The following CSMD1 variants were observed in gnomAD, a reference collection of about 807,000 sequenced individuals.
The protein encoded by CSMD1 is CUB and Sushi multiple domains 1.
A neutral mutation model predicts 417.5 loss-of-function variants in CSMD1; 213 were observed. That is an observed-to-expected ratio of 0.51 (90% CI 0.46 to 0.57). CSMD1 has a LOEUF of 0.57. CSMD1 is among the 20% of genes least tolerant of loss of function. The probability of loss-of-function intolerance (pLI) is 0.00; values close to 1 mark genes in which losing one functional copy is unlikely to be tolerated. For synonymous variants in CSMD1, 2,862 were observed against 1,736.8 expected (o/e 1.65, Z -16.11); for missense variants, 6,923 against 4,529.7 (o/e 1.53, Z -15.17).
intron 7 of CSMD1, among the ~76,000 whole-genome samples, chr8:3,654,749 C>G (rs1798019983): frequency 6.6e-6 from 1 of 152,182 alleles, no homozygotes; most frequent in Admixed American, 6.5e-5. Context: ...TGCTCCAGGG[C>G]TTGAGCTGAA....
chr8:3,751,332 A>C (rs145917580), intron 6 of CSMD1, among the ~76,000 whole-genome samples: 1 of 135,406 alleles, frequency 7.4e-6, no homozygotes, highest in East Asian at 2.1e-4. Context: ...GTGTGTATAT[A>C]TATATATATA....
intron 3 of CSMD1, among the ~76,000 whole-genome samples, chr8:4,138,655 A>T (rs371047828): frequency 1.3e-5 from 2 of 152,216 alleles, no homozygotes; most frequent in South Asian, 2.1e-4. Context: ...TTGACTTTTC[A>T]AAGTATTATT....
At chr8:3,976,729 G>A (rs13257603) in intron 5 of CSMD1, among the ~76,000 whole-genome samples, 4,165 of 152,194 alleles carry the variant, frequency 0.027, 76 homozygotes, top group South Asian at 0.047. Flanking sequence ...AGAACCCTAT[G>A]AAGTGGGCCC....
At position 3,829,428 on chromosome 8, in the gene CSMD1, T is replaced by A. The variant is rs568862194; in HGVS notation, c.819-75386A>T. Among the ~76,000 whole-genome samples the A allele has an allele frequency of 2.6e-5, 4 of 152,240 alleles. No individual in the cohort carries two copies. In the South Asian group the frequency reaches 8.3e-4, roughly 32 times the overall value. Reference sequence around the variant, plus strand: ...CAACAGTCAGAATGAGATAAGTCAATACCGGTTCCACATGAATTCAGGTTA... The same window carrying A: ...CAACAGTCAGAATGAGATAAGTCAAAACCGGTTCCACATGAATTCAGGTTA... On this transcript the variant is annotated intron_variant, in intron 5 of 69. Coordinates refer to ENST00000635120, the MANE Select transcript of CSMD1 (RefSeq NM_033225.6).
At chr8:3,760,224 T>C (rs888739626) in intron 5 of CSMD1, among the ~76,000 whole-genome samples, 10 of 152,166 alleles carry the variant, frequency 6.6e-5, no homozygotes, top group African/African-American at 2.4e-4. Flanking sequence ...AGTGGGAATG[T>C]TGGACAGCTC....
chr8:4,895,170 T>A (rs935855649), intron 1 of CSMD1, among the ~76,000 whole-genome samples: 3 of 152,194 alleles, frequency 2.0e-5, no homozygotes, highest in African/African-American at 7.2e-5. Flanking sequence ...AAATAATAAC[T>A]ATTTGTAGAA....
chr8:3,801,919 T>C (rs932326989), intron 5 of CSMD1, among the ~76,000 whole-genome samples: 5 of 151,982 alleles, frequency 3.3e-5, no homozygotes, highest in Non-Finnish European at 7.4e-5. Flanking sequence ...GCCTAGGGTA[T>C]AGGGTGGGGA....
intron 5 of CSMD1, among the ~76,000 whole-genome samples, chr8:3,791,573 C>T (rs1313918195): frequency 1.3e-5 from 2 of 152,180 alleles, no homozygotes; most frequent in East Asian, 1.9e-4. Context: ...CCTATAATCC[C>T]AGCACTTTGG....
At chr8:4,216,203 G>A (rs78606911) in intron 3 of CSMD1, among the ~76,000 whole-genome samples, 1,972 of 152,150 alleles carry the variant, frequency 0.013, 49 homozygotes, top group African/African-American at 0.045. Context: ...CATTGCGATG[G>A]CCTTCTTCCT....
intron 66 of CSMD1, 122 bp downstream of exon 66, chr8:2,950,992 G>C (rs749609155): frequency 2.2e-5 from 21 of 935,194 alleles, no homozygotes; most frequent in Non-Finnish European, 3.1e-5. Context: ...ATGAGTTACA[G>C]TATATACAAA....
At chr8:2,957,187 T>C (rs1424919190) in intron 63 of CSMD1, among the ~76,000 whole-genome samples, 1 of 152,200 alleles carries the variant, frequency 6.6e-6, no homozygotes, top group Admixed American at 6.5e-5. Context: ...GATCAATTCA[T>C]ATATACTTCC....
At chr8:3,448,671 C>T (rs1481926538) in intron 12 of CSMD1, among the ~76,000 whole-genome samples, 2 of 152,018 alleles carry the variant, frequency 1.3e-5, no homozygotes, top group African/African-American at 2.4e-5. Context: ...GCCAAGTGGG[C>T]ATGACCCATG....
At position 3,278,996 on chromosome 8, in the gene CSMD1, T is replaced by C. The variant is rs566205652; in HGVS notation, c.4153+5148A>G. 3 of 152,282 alleles carry C rather than the reference T, an allele frequency of 2.0e-5. No individual in the cohort carries two copies. In the South Asian group the frequency reaches 6.2e-4, roughly 32 times the overall value. 9.4% of individuals were successfully genotyped at this position (152,282 alleles called of 1,614,324 possible). On this transcript the variant is annotated intron_variant, in intron 26 of 69. Coordinates refer to ENST00000635120, the MANE Select transcript of CSMD1 (RefSeq NM_033225.6). Reference sequence around the variant, plus strand: ...CTAAAACTAGAAAACCAGGACATGATTTATTCCAGGTGTAGGAGTCAAATG... The same window carrying C: ...CTAAAACTAGAAAACCAGGACATGACTTATTCCAGGTGTAGGAGTCAAATG...
chr8:4,937,295 C>G (rs953204218), intron 1 of CSMD1, among the ~76,000 whole-genome samples: 1 of 152,064 alleles, frequency 6.6e-6, no homozygotes, highest in Admixed American at 6.6e-5. Context: ...TGGGGGATAC[C>G]ATATTCATGG....
intron 12 of CSMD1, among the ~76,000 whole-genome samples, chr8:3,436,267 C>T (rs564245487): frequency 8.5e-5 from 13 of 152,278 alleles, no homozygotes; most frequent in South Asian, 2.1e-4. Context: ...CTCTTACCAA[C>T]GCGATAGTAA....
intron 3 of CSMD1, among the ~76,000 whole-genome samples, chr8:4,155,312 T>A (rs573645461): frequency 2.0e-5 from 3 of 152,126 alleles, no homozygotes; most frequent in East Asian, 1.9e-4. Context: ...AGCGTTTGGG[T>A]CTCGCATTAG....
chr8:4,059,985 A>G (rs1798887532), intron 3 of CSMD1, among the ~76,000 whole-genome samples: 1 of 152,152 alleles, frequency 6.6e-6, no homozygotes, highest in Non-Finnish European at 1.5e-5. Flanking sequence ...GCAGAGACAC[A>G]GCCAAAAAAG....
chr8:3,715,314 A>G (rs1281970695), intron 6 of CSMD1, among the ~76,000 whole-genome samples: 1 of 152,162 alleles, frequency 6.6e-6, no homozygotes, highest in Non-Finnish European at 1.5e-5. Context: ...CATCAGTAGG[A>G]GCTATGTCTC....
At chr8:4,663,863 C>T (rs941839766) in intron 1 of CSMD1, among the ~76,000 whole-genome samples, 1 of 152,142 alleles carries the variant, frequency 6.6e-6, no homozygotes, top group African/African-American at 2.4e-5. Flanking sequence ...TCACAAATAC[C>T]TGGGCTGGAT....
Sources: allele counts gnomAD v4.1 joint callset (sites outside exome capture counted in the v4.1 genomes callset), GRCh38; gene constraint gnomAD v4.1.1; transcripts MANE v1.5; gene names NCBI Gene and HGNC (gene_info 2026-07-23, HGNC 2026-07-21).